Variants in AGBL2 observed in about 807,000 individuals in gnomAD.
AGBL2 encodes the protein cytosolic carboxypeptidase 2.
In AGBL2, 87 loss-of-function variants were observed where a neutral mutation model predicts 103.0. The ratio of observed to expected loss-of-function variants is 0.84; its 90% CI spans 0.71 to 1.01. The LOEUF is 1.01. AGBL2 is among the 50% of genes least tolerant of loss of function. AGBL2 has a pLI of 0.00. For synonymous variants in AGBL2, 335 were observed against 356.7 expected (o/e 0.94, Z 0.69); for missense variants, 904 against 1,023.5 (o/e 0.88, Z 1.59).
intron 13 of AGBL2, among the ~76,000 whole-genome samples, chr11:47,678,316 T>C (rs899350078): frequency 1.5e-5 from 2 of 134,046 alleles, no homozygotes; most frequent in African/African-American, 5.2e-5. Flanking sequence ...TTTTATTTTA[T>C]TTTATTTTAT....
At position 47,660,197 on chromosome 11, in the gene AGBL2, GGA is replaced by G. The variant is rs780773705; in HGVS notation, c.2683_2684del (p.Ser895LeufsTer35). The G allele has an allele frequency of 2.5e-6, 4 of 1,614,084 alleles. No homozygotes were observed. The East Asian group carries it at 8.9e-5, about 36-fold the overall frequency. ...CCTACGGGTATGTGTATATGTGCAAGGATGGGTATGCCGCCATGGCAGCACAG... is the reference window on the plus strand; with the variant it reads ...CCTACGGGTATGTGTATATGTGCAAGTGGGTATGCCGCCATGGCAGCACAG... ...RGCAAMAAYP[S>X]LHIYTYP On this transcript the variant is annotated frameshift_variant, in exon 19 of 19. Transcript: ENST00000525123. LOFTEE classifies it high-confidence loss of function.
At chr11:47,698,989 T>G (rs1315575409) in intron 8 of AGBL2, among the ~76,000 whole-genome samples, 2 of 144,264 alleles carry the variant, frequency 1.4e-5, no homozygotes. Context: ...AAAAAAAGAA[T>G]GAGTATTTTG....
intron 12 of AGBL2, among the ~76,000 whole-genome samples, chr11:47,680,935 T>C (rs2097399025): frequency 6.6e-6 from 1 of 152,220 alleles, no homozygotes; most frequent in Admixed American, 6.5e-5. Context: ...TGGTTCTAAT[T>C]ACTGGGGTTT....
At chr11:47,689,206 C>T (rs1412084560) in intron 10 of AGBL2, among the ~76,000 whole-genome samples, 2 of 152,032 alleles carry the variant, frequency 1.3e-5, no homozygotes, top group Non-Finnish European at 2.9e-5. Context: ...GGAATTTAGA[C>T]TCTGGAACCA....
At chr11:47,678,343 A>ATTATTATTTTTTT (rs2097385523) in intron 13 of AGBL2, among the ~76,000 whole-genome samples, 7 of 116,868 alleles carry the variant, frequency 6.0e-5, no homozygotes, top group Admixed American at 9.1e-5. Flanking sequence ...TTATTATTTT[A>ATTATTATTTTTTT]TTTTTTTTGA....
intron 3 of AGBL2, chr11:47,714,018 T>C: frequency 2.3e-6 from 1 of 426,372 alleles, no homozygotes; most frequent in Admixed American, 3.6e-5. Flanking sequence ...TAAGAGACAG[T>C]GATACTGGTA....
At chr11:47,673,218 G>A (rs1191133300) in intron 14 of AGBL2, among the ~76,000 whole-genome samples, 1 of 152,162 alleles carries the variant, frequency 6.6e-6, no homozygotes, top group Non-Finnish European at 1.5e-5. Flanking sequence ...TGGGCATGGT[G>A]GCTCATGCTT....
chr11:47,678,710 G>T (rs2097388400), intron 13 of AGBL2, among the ~76,000 whole-genome samples: 1 of 151,720 alleles, frequency 6.6e-6, no homozygotes, highest in Non-Finnish European at 1.5e-5. Flanking sequence ...ACCTCAGAAA[G>T]GCCATAGGGG....
chr11:47,697,764 T>C (rs2097481657), intron 8 of AGBL2, among the ~76,000 whole-genome samples: 1 of 151,288 alleles, frequency 6.6e-6, no homozygotes, highest in South Asian at 2.1e-4. Context: ...GCCAGGATGG[T>C]CTCAATTTCC....
At chr11:47,684,951 AAT>A (rs1323722158) in intron 11 of AGBL2, among the ~76,000 whole-genome samples, 4 of 152,186 alleles carry the variant, frequency 2.6e-5, no homozygotes, top group Non-Finnish European at 5.9e-5. Flanking sequence ...TCACGCCTGT[AAT>A]CTCAGCACTT....
chr11:47,713,999 T>C, intron 3 of AGBL2: 2 of 357,012 alleles, frequency 5.6e-6, no homozygotes, highest in South Asian at 3.9e-5. Flanking sequence ...TTTAATGCCA[T>C]ATAGTAATTA....
chr11:47,662,453 T>G (rs2097330540), intron 18 of AGBL2, among the ~76,000 whole-genome samples: 1 of 150,898 alleles, frequency 6.6e-6, no homozygotes, highest in Non-Finnish European at 1.5e-5. Context: ...GTGCTTGGAT[T>G]ACAGGTGTGA....
In AGBL2 at chr11:47,677,302, T is replaced by TC; in HGVS notation, c.2115dup (p.Ser706GlufsTer2). On this transcript the variant is annotated frameshift_variant, in exon 14 of 19. Coordinates refer to ENST00000525123, the MANE Select transcript of AGBL2 (RefSeq NM_024783.4). LOFTEE classifies it high-confidence loss of function. ...TCAATGTCAGACAAAGAGATGTCAC[T>TC]CCAACTTCCTTCTAAATCTACATCT... The TC allele has an allele frequency of 6.2e-7, 1 of 1,603,362 alleles. No individual in the cohort carries two copies. Among genetic ancestry groups the TC allele is most frequent in the Non-Finnish European group, 8.5e-7 (1 of 1,176,894 alleles).
chr11:47,663,152 G>T (rs750290829), intron 17 of AGBL2, 40 bp from the exon 18 acceptor site: 2 of 1,286,134 alleles, frequency 1.6e-6, no homozygotes, highest in Non-Finnish European at 2.2e-6. Flanking sequence ...TTTTCCACTT[G>T]AGCAAGTGTG....
chr11:47,698,254 C>T (rs2097484513), intron 8 of AGBL2, among the ~76,000 whole-genome samples: 1 of 146,240 alleles, frequency 6.8e-6, no homozygotes, highest in Admixed American at 7.2e-5. Context: ...CTCACCACAA[C>T]CTCTGCTTCC....
intron 14 of AGBL2, among the ~76,000 whole-genome samples, chr11:47,672,017 ATTC>A (rs1489399709): frequency 3.3e-5 from 5 of 152,214 alleles, no homozygotes; most frequent in Non-Finnish European, 5.9e-5. Context: ...GGGTTCAATA[ATTC>A]TTAACCATAT....
At chr11:47,662,254 A>C (rs1425408141) in intron 18 of AGBL2, among the ~76,000 whole-genome samples, 2 of 151,668 alleles carry the variant, frequency 1.3e-5, no homozygotes, top group Non-Finnish European at 2.9e-5. Context: ...GTTCACTGCA[A>C]ACTCTGCCTC....
intron 8 of AGBL2, among the ~76,000 whole-genome samples, chr11:47,696,067 G>A (rs1335265798): frequency 3.6e-5 from 5 of 139,536 alleles, no homozygotes; most frequent in South Asian, 2.3e-4. Flanking sequence ...GCGTGGTGGC[G>A]CACACCTGTA....
At chr11:47,666,753 A>C in intron 17 of AGBL2, 1 of 621,270 alleles carries the variant, frequency 1.6e-6, no homozygotes, top group Non-Finnish European at 2.9e-6. Context: ...ACAAATCACC[A>C]ATATTTGATT....
Sources: allele counts gnomAD v4.1 joint callset (sites outside exome capture counted in the v4.1 genomes callset), GRCh38; gene constraint gnomAD v4.1.1; transcripts MANE v1.5; gene names NCBI Gene and HGNC (gene_info 2026-07-23, HGNC 2026-07-21).